The following DNAH17 variants were observed in gnomAD, a reference collection of about 807,000 sequenced individuals.
DNAH17 encodes the protein axonemal beta dynein heavy chain 17.
Under a neutral mutation model 485.6 loss-of-function variants are expected in DNAH17, and 376 were observed. The observed-to-expected ratio is 0.77, with a 90% CI of 0.71 to 0.84. The LOEUF (loss-of-function observed/expected upper bound fraction) is 0.84, where lower values mean the gene tolerates loss of function less well. DNAH17 is among the 40% of genes least tolerant of loss of function. The probability of loss-of-function intolerance (pLI) is 0.00; values close to 1 mark genes in which losing one functional copy is unlikely to be tolerated. For synonymous variants in DNAH17, 3,031 were observed against 2,405.9 expected, an observed-to-expected ratio of 1.26 and a Z score of -7.60; for missense variants, 6,370 against 5,839.3, an observed-to-expected ratio of 1.09 and a Z score of -2.96.
chr17:78,453,712 G>C (rs1480076984), intron 64 of DNAH17, among the ~76,000 whole-genome samples: 1 of 152,216 alleles, frequency 6.6e-6, no homozygotes, highest in Non-Finnish European at 1.5e-5. Flanking sequence ...TTTTGAGACA[G>C]GGTCTCATTC....
chr17:78,496,575 C>A, intron 37 of DNAH17: 1 of 151,952 alleles, frequency 6.6e-6, no homozygotes, highest in Non-Finnish European at 1.5e-5. Flanking sequence ...CCGTTTGACC[C>A]CTGGCAACCA....
chr17:78,485,483 G>T (rs1248302888), intron 47 of DNAH17, 67 bp downstream of exon 47: 1 of 1,459,024 alleles, frequency 6.9e-7, no homozygotes, highest in Admixed American at 2.0e-5. Flanking sequence ...CAGTGAGAGG[G>T]GACAGGAGGG....
At chr17:78,431,642 GTCAC>G (rs545299921) in intron 75 of DNAH17, among the ~76,000 whole-genome samples, 8 of 152,266 alleles carry the variant, frequency 5.3e-5, no homozygotes, top group South Asian at 4.2e-4. Flanking sequence ...ATTCCCGGTG[GTCAC>G]TCAGCGTGTA....
At chr17:78,462,792 C>A (rs564503799) in intron 57 of DNAH17, 52 bp downstream of exon 57, 4 of 1,577,300 alleles carry the variant, frequency 2.5e-6, no homozygotes, top group Non-Finnish European at 2.6e-6. Flanking sequence ...GCAGCTCCTG[C>A]GAGGCCTCCA....
At chr17:78,514,519 A>AAAG (rs1555680404) in intron 26 of DNAH17, among the ~76,000 whole-genome samples, 5 of 151,018 alleles carry the variant, frequency 3.3e-5, no homozygotes, top group African/African-American at 7.3e-5. Flanking sequence ...AAAAAAAAAA[A>AAAG]AAAGAAAAAG....
At chr17:78,425,624 C>T (rs1011357907) in intron 79 of DNAH17, 53 bp from the exon 80 acceptor site, 26 of 1,500,408 alleles carry the variant, frequency 1.7e-5, no homozygotes, top group Admixed American at 1.0e-4. Context: ...GACATGGGAA[C>T]GACCGGGCCT....
intron 54 of DNAH17, among the ~76,000 whole-genome samples, chr17:78,475,040 C>T (rs570024531): frequency 1.6e-5 from 2 of 123,398 alleles, no homozygotes; most frequent in Admixed American, 8.0e-5. Flanking sequence ...TCAGACCCTT[C>T]ACCTCAGTCA....
chr17:78,464,036 TC>T, intron 56 of DNAH17, among the ~76,000 whole-genome samples: 1 of 152,312 alleles, frequency 6.6e-6, no homozygotes, highest in South Asian at 2.1e-4. Context: ...AGGCTCTTTT[TC>T]CCATCTTTAA....
At chr17:78,474,342 G>A (rs1014527286) in intron 54 of DNAH17, among the ~76,000 whole-genome samples, 2 of 152,266 alleles carry the variant, frequency 1.3e-5, no homozygotes, top group Non-Finnish European at 2.9e-5. Flanking sequence ...TCTCAAGCAC[G>A]ATGATTCCTT....
intron 60 of DNAH17, 50 bp downstream of exon 60, chr17:78,459,734 G>A (rs2087999693): frequency 3.1e-6 from 5 of 1,604,410 alleles, no homozygotes; most frequent in Admixed American, 1.7e-5. Context: ...GCCTTGGCCT[G>A]ATGGAGAATC....
At chr17:78,456,433 G>A (rs183969812) in intron 62 of DNAH17, among the ~76,000 whole-genome samples, 5 of 152,302 alleles carry the variant, frequency 3.3e-5, no homozygotes, top group African/African-American at 7.2e-5. Context: ...TATGGCTGAT[G>A]CCATTTGATT....
At chr17:78,489,406 G>C (rs1257684756) in intron 44 of DNAH17, 1 of 152,274 alleles carries the variant, frequency 6.6e-6, no homozygotes, top group Non-Finnish European at 1.5e-5. Flanking sequence ...GGCAGGACTC[G>C]CCTCACTTCT....
At chr17:78,478,073 CCACCATCATCACCAT>C (rs1199532123) in intron 51 of DNAH17, among the ~76,000 whole-genome samples, 10 of 131,332 alleles carry the variant, frequency 7.6e-5, no homozygotes, top group Non-Finnish European at 9.9e-5. Flanking sequence ...ACCATCACCA[CCACCATCATCACCAT>C]CACCACCACC....
intron 56 of DNAH17, among the ~76,000 whole-genome samples, chr17:78,465,903 C>T (rs2088423679): frequency 6.6e-6 from 1 of 152,110 alleles, no homozygotes; most frequent in Non-Finnish European, 1.5e-5. Context: ...AGCCCCTCTG[C>T]CCGGCCACCA....
chr17:78,428,033 G>A (rs569693954), intron 77 of DNAH17, among the ~76,000 whole-genome samples: 1 of 151,194 alleles, frequency 6.6e-6, no homozygotes, highest in African/African-American at 2.4e-5. Flanking sequence ...AGACAAGCGA[G>A]AATTTGTTCA....
At position 78,423,984 on chromosome 17, in the gene DNAH17, G is replaced by T. The variant is rs945086397; in HGVS notation, c.13311C>A (p.Val4437=). The T allele has an allele frequency of 1.2e-6, 2 of 1,614,046 alleles. No homozygotes were observed. The highest frequency in any genetic ancestry group is 1.7e-6 in the Non-Finnish European group (2 of 1,179,908). ...CTTTGGTCTTCAAGTTAAAGGTCCA[G>T]ACATAGGTGGGGCCGCGGATGCGTG... The part of the protein sequence containing the change: ...YKTRIRGPTY[V]WTFNLKTKEK... Residue 4437 remains valine (V), a synonymous_variant, in exon 81 of 81, where the codon GTC becomes GTA. Transcript: ENST00000389840.
rs1449885306 is a variant in DNAH17, at chr17:78,530,384, G to T, written c.3243C>A (p.Gly1081=). The change falls in exon 21 of 81, where the codon GGC becomes GGA. Residue 1081 remains glycine (G), a synonymous_variant. Coordinates refer to ENST00000389840, the MANE Select transcript of DNAH17 (RefSeq NM_173628.4). ...QALLSTIRRW[G]FMFKRHLSNH... is the part of the protein sequence containing the mutation. Reference sequence around the variant, plus strand: ...TGCTCAGGTGCCGCTTGAACATGAAGCCCCAGCGCCGGATTGTGCTGAGCA... The same window carrying T: ...TGCTCAGGTGCCGCTTGAACATGAATCCCCAGCGCCGGATTGTGCTGAGCA... 1 of 1,612,798 alleles carries T rather than the reference G, an allele frequency of 6.2e-7. No homozygotes were observed. The highest frequency in any genetic ancestry group is 1.7e-5 in the Admixed American group (1 of 59,994).
intron 19 of DNAH17, among the ~76,000 whole-genome samples, chr17:78,533,353 G>A (rs943429881): frequency 6.6e-6 from 1 of 152,168 alleles, no homozygotes; most frequent in Non-Finnish European, 1.5e-5. Flanking sequence ...ATGGCCCCGA[G>A]GAAATGGCCA....
chr17:78,561,115 G>C (rs1356486969), intron 12 of DNAH17, among the ~76,000 whole-genome samples, 180 bp from the exon 13 acceptor site: 1 of 152,022 alleles, frequency 6.6e-6, no homozygotes, highest in Non-Finnish European at 1.5e-5. Flanking sequence ...ATGGAACTCC[G>C]ACCTGCAGTC....
Sources: allele counts gnomAD v4.1 joint callset (sites outside exome capture counted in the v4.1 genomes callset), GRCh38; gene constraint gnomAD v4.1.1; transcripts MANE v1.5; gene names NCBI Gene and HGNC (gene_info 2026-07-23, HGNC 2026-07-21).